Variants in NCOA2 observed in about 807,000 individuals in gnomAD.
NCOA2 encodes the protein nuclear receptor coactivator 2, also known as class E basic helix-loop-helix protein 75.
Under a neutral mutation model 145.1 loss-of-function variants are expected in NCOA2, and 21 were observed. The observed-to-expected ratio is 0.14, with a 90% CI of 0.10 to 0.21. NCOA2 has a LOEUF of 0.21. NCOA2 is among the 10% of genes least tolerant of loss of function. The probability of loss-of-function intolerance (pLI) is 1.00; values close to 1 mark genes in which losing one functional copy is unlikely to be tolerated. For missense variants in NCOA2, 1,472 were observed against 1,837.6 expected (o/e 0.80, Z 3.64); for synonymous variants, 619 against 637.5 (o/e 0.97, Z 0.44).
At chr8:70,226,754 A>G (rs999007726) in intron 2 of NCOA2, among the ~76,000 whole-genome samples, 1 of 151,568 alleles carries the variant, frequency 6.6e-6, no homozygotes, top group Non-Finnish European at 1.5e-5. Context: ...AGATACTTAG[A>G]TATTTTAGAG....
the NCOA2 span, among the ~76,000 whole-genome samples, chr8:70,434,462 T>A: frequency 6.6e-6 from 1 of 152,238 alleles, no homozygotes; most frequent in Non-Finnish European, 1.5e-5. Flanking sequence ...CAATTTGCTC[T>A]CTGAGAAAAG....
At chr8:70,349,564 TAA>T (rs1403081437) in intron 1 of NCOA2, among the ~76,000 whole-genome samples, 1 of 152,094 alleles carries the variant, frequency 6.6e-6, no homozygotes, top group African/African-American at 2.4e-5. Flanking sequence ...CTTCACCTGA[TAA>T]AAAGTATTGA....
intron 2 of NCOA2, among the ~76,000 whole-genome samples, chr8:70,236,165 C>A (rs1406313397): frequency 6.6e-6 from 1 of 152,124 alleles, no homozygotes; most frequent in African/African-American, 2.4e-5. Context: ...CTCCAATATC[C>A]TCAAGTCTCT....
At chr8:70,318,410 T>C (rs986533718) in intron 1 of NCOA2, among the ~76,000 whole-genome samples, 4 of 152,220 alleles carry the variant, frequency 2.6e-5, no homozygotes, top group Admixed American at 2.6e-4. Context: ...ATCTTTTGAA[T>C]CCTCCTCTGT....
Position 70,156,821 on chromosome 8 carries a change from G to C in NCOA2, c.1544C>G (p.Ser515Cys), listed in dbSNP as rs1812349114. The C allele has an allele frequency of 6.2e-7, 1 of 1,613,898 alleles. No individual in the cohort carries two copies. Among genetic ancestry groups the C allele is most frequent in the Non-Finnish European group, 8.5e-7 (1 of 1,179,904 alleles). Residue 515 changes from serine (S) to cysteine (C), a missense_variant, in exon 11 of 23, where the codon TCC (serine) becomes TGC (cysteine). Transcript: ENST00000452400. Reference protein sequence around the residue: ...SQFSPAGSLHSPVGVCSSTGN... With the variant: ...SQFSPAGSLHCPVGVCSSTGN... Reference sequence around the variant, plus strand: ...TGTGCTGCTGCAAACTCCCACAGGGGAATGCAAGCTTCCTGCAGGGGAAAA... The same window carrying C: ...TGTGCTGCTGCAAACTCCCACAGGGCAATGCAAGCTTCCTGCAGGGGAAAA...
At chr8:70,235,264 G>A (rs1371277092) in intron 2 of NCOA2, among the ~76,000 whole-genome samples, 1 of 152,106 alleles carries the variant, frequency 6.6e-6, no homozygotes, top group Non-Finnish European at 1.5e-5. Flanking sequence ...ACAGAAAGAG[G>A]AACATAGATT....
At chr8:70,162,591 A>T in intron 9 of NCOA2, 120 bp downstream of exon 9, 1 of 1,030,868 alleles carries the variant, frequency 9.7e-7, no homozygotes, top group Non-Finnish European at 1.4e-6. Flanking sequence ...CACTGGGGCC[A>T]GATGAGACAG....
At chr8:70,128,551 A>G in intron 17 of NCOA2, 41 bp from the exon 18 acceptor site, 1 of 1,598,500 alleles carries the variant, frequency 6.3e-7, no homozygotes, top group Non-Finnish European at 8.6e-7. Flanking sequence ...TTAAGAACAG[A>G]ATACATTTTA....
intron 1 of NCOA2, among the ~76,000 whole-genome samples, chr8:70,353,656 C>G (rs1809436113): frequency 6.6e-6 from 1 of 151,872 alleles, no homozygotes; most frequent in Admixed American, 6.6e-5. Context: ...GCAGTTCAGT[C>G]TCTTTCCACT....
intron 22 of NCOA2, among the ~76,000 whole-genome samples, chr8:70,119,270 CA>C (rs773083388): frequency 7.2e-5 from 11 of 152,316 alleles, no homozygotes; most frequent in Non-Finnish European, 1.5e-4. Flanking sequence ...TCCATGTGAA[CA>C]AATTTTCTAG....
Position 70,359,873 on chromosome 8 carries a change from C to T in NCOA2, c.-77+43827G>A, listed in dbSNP as rs576877510. Among the ~76,000 whole-genome samples, 14 of 152,242 alleles carry T rather than the reference C, an allele frequency of 9.2e-5. No homozygotes were observed. In the East Asian group the frequency reaches 2.1e-3, roughly 23 times the overall value. On this transcript the variant is annotated intron_variant, in intron 1 of 22. Transcript: ENST00000452400. ...TTTATTTGCATTTCAAATATACATA[C>T]CCTGCCCTAAAATTTTACTTTGAAT...
At chr8:70,334,705 A>G (rs1272308102) in intron 1 of NCOA2, among the ~76,000 whole-genome samples, 3 of 152,310 alleles carry the variant, frequency 2.0e-5, no homozygotes, top group African/African-American at 7.2e-5. Context: ...CAAATACTCT[A>G]CCTGATAGAT....
At chr8:70,331,689 A>G (rs1166097847) in intron 1 of NCOA2, among the ~76,000 whole-genome samples, 1 of 152,140 alleles carries the variant, frequency 6.6e-6, no homozygotes, top group Non-Finnish European at 1.5e-5. Flanking sequence ...ACTTCATTTT[A>G]AGCTAAGCTT....
chr8:70,251,359 C>T (rs879871754), intron 2 of NCOA2, among the ~76,000 whole-genome samples: 6 of 152,144 alleles, frequency 3.9e-5, no homozygotes, highest in Non-Finnish European at 7.3e-5. Flanking sequence ...CTTCTAAATA[C>T]GACTCTGCCA....
chr8:70,249,492 G>A (rs1006690833), intron 2 of NCOA2, among the ~76,000 whole-genome samples: 1 of 152,100 alleles, frequency 6.6e-6, no homozygotes, highest in African/African-American at 2.4e-5. Context: ...CTATAAATGT[G>A]TGTCTCTGGG....
intron 1 of NCOA2, among the ~76,000 whole-genome samples, chr8:70,310,911 C>T (rs1484779101): frequency 2.0e-5 from 3 of 152,072 alleles, no homozygotes; most frequent in East Asian, 3.8e-4. Flanking sequence ...AAAAAGAACA[C>T]AAATAGAGAA....
chr8:70,443,511 T>C, the NCOA2 span, among the ~76,000 whole-genome samples: 1 of 152,220 alleles, frequency 6.6e-6, no homozygotes, highest in Non-Finnish European at 1.5e-5. Flanking sequence ...ACAGAGCAAT[T>C]GCCCCAATTC....
chr8:70,263,645 C>T (rs777318139), intron 2 of NCOA2, among the ~76,000 whole-genome samples: 64 of 151,774 alleles, frequency 4.2e-4, no homozygotes, highest in African/African-American at 1.4e-3. Context: ...AGGAGAATGG[C>T]GTGAACCCGG....
At chr8:70,257,880 C>CA (rs555764379) in intron 2 of NCOA2, among the ~76,000 whole-genome samples, 1,871 of 137,390 alleles carry the variant, frequency 0.014, 15 homozygotes, top group Non-Finnish European at 0.016. Flanking sequence ...GCAACAACAG[C>CA]AAAAAAAAAA....
Sources: allele counts gnomAD v4.1 joint callset (sites outside exome capture counted in the v4.1 genomes callset), GRCh38; gene constraint gnomAD v4.1.1; transcripts MANE v1.5; gene names NCBI Gene and HGNC (gene_info 2026-07-23, HGNC 2026-07-21).